Variants in NPHP4 observed in about 807,000 individuals in gnomAD.
The protein encoded by NPHP4 is nephrocystin 4.
NPHP4 carries 151 observed loss-of-function variants against 155.8 expected under a neutral mutation model. The ratio of observed to expected loss-of-function variants is 0.97; its 90% CI spans 0.85 to 1.11. The LOEUF (loss-of-function observed/expected upper bound fraction) is 1.11. Among genes scored for constraint, NPHP4 ranks in the 50% least tolerant of loss-of-function variants. The probability of loss-of-function intolerance (pLI) is 0.00; values close to 1 mark genes in which losing one functional copy is unlikely to be tolerated. For missense variants in NPHP4, 1,956 were observed against 1,925.7 expected (o/e 1.02, Z -0.29); for synonymous variants, 845 against 816.8 (o/e 1.03, Z -0.59).
chr1:5,905,741 C>T lies in NPHP4; in HGVS notation c.1654G>A (p.Asp552Asn), dbSNP rs764175045. The stretch of plus-strand genomic sequence containing the variant: ...AGGACCAGGGAGGTCTGGCTCAGGT[C>T]GGCTTCCAGGTGGGAGATACCGGCC... The part of the protein sequence containing the change: ...LEAGISHLEA[D>N]LSQTSLVLET... The change falls in exon 14 of 30, where the codon GAC becomes AAC. Residue 552 changes from aspartate (D) to asparagine (N), a missense_variant. Physicochemically the swap from Asp to Asn is conservative, Grantham distance 23 (BLOSUM62 1). Coordinates refer to ENST00000378156, the MANE Select transcript of NPHP4 (RefSeq NM_015102.5). This position sits in a 1 kb window ranked among gnomAD's most constrained non-coding sequence, Gnocchi z 4.0. 5.6e-6 allele frequency: 9 copies of T among 1,612,652 alleles called. No individual in the cohort carries two copies. The highest frequency in any genetic ancestry group is 5.5e-5 in the South Asian group (5 of 90,786).
At chr1:5,984,488 T>C (rs1211366573) in intron 2 of NPHP4, among the ~76,000 whole-genome samples, 2 of 151,760 alleles carry the variant, frequency 1.3e-5, no homozygotes, top group African/African-American at 4.8e-5. Context: ...TGAGCTGAGA[T>C]CACACCACTG....
intron 18 of NPHP4, among the ~76,000 whole-genome samples, chr1:5,885,694 C>T (rs1257253884): frequency 6.6e-6 from 1 of 152,210 alleles, no homozygotes; most frequent in Non-Finnish European, 1.5e-5. Context: ...AGGCCGAGGC[C>T]GAGGCTCAGG....
intron 2 of NPHP4, among the ~76,000 whole-genome samples, chr1:5,980,290 T>C (rs1654454199): frequency 6.6e-6 from 1 of 152,032 alleles, no homozygotes; most frequent in Non-Finnish European, 1.5e-5. Context: ...CTCAGCTGAG[T>C]TGTCTCCTGA....
intron 11 of NPHP4, among the ~76,000 whole-genome samples, chr1:5,921,882 C>T (rs886766524): frequency 3.9e-5 from 6 of 152,228 alleles, no homozygotes; most frequent in South Asian, 2.1e-4. Flanking sequence ...CACGCCACAC[C>T]ATTTACTGAC....
chr1:5,932,904 C>T (rs542310395), intron 10 of NPHP4, among the ~76,000 whole-genome samples: 1 of 152,326 alleles, frequency 6.6e-6, no homozygotes, highest in East Asian at 1.9e-4. Context: ...TACACATCAG[C>T]TGGAGGTTCA....
intron 11 of NPHP4, among the ~76,000 whole-genome samples, chr1:5,914,088 C>G (rs955742185): frequency 1.4e-4 from 22 of 151,990 alleles, no homozygotes; most frequent in African/African-American, 5.3e-4. Flanking sequence ...CAACAACCCT[C>G]TCTCACTTCC....
rs769488870 is a variant in NPHP4 at position 5,864,457 on chromosome 1, C to G, written c.3877G>C (p.Val1293Leu). Residue 1293 changes from valine (V) to leucine (L), a missense_variant, in exon 28 of 30, where the codon GTG becomes CTG. Coordinates refer to ENST00000378156, the MANE Select transcript of NPHP4 (RefSeq NM_015102.5). ...CGGCTGCCGGCCCTAAGGGGCCTCA[C>G]GCCAACATGCAGGTCCTGCACCCCA... ...PRGVQDLHVG[V>L]RPLRAGSRFV... 2 of 1,605,340 alleles carry G rather than the reference C, an allele frequency of 1.2e-6. No individual in the cohort carries two copies. Among genetic ancestry groups the G allele is most frequent in the African/African-American group, 1.3e-5 (1 of 74,900 alleles).
intron 9 of NPHP4, among the ~76,000 whole-genome samples, chr1:5,946,893 C>G (rs1227321931): frequency 6.6e-6 from 1 of 152,256 alleles, no homozygotes; most frequent in Non-Finnish European, 1.5e-5. Flanking sequence ...AGCTCCAAGT[C>G]CTTCCCACAT....
In NPHP4 at chr1:5,933,274, G is replaced by A. The variant is rs1453716312; in HGVS notation, c.1175C>T (p.Ala392Val). 1 of 1,613,752 alleles carries A rather than the reference G, an allele frequency of 6.2e-7. No homozygotes were observed. Among genetic ancestry groups the A allele is most frequent in the South Asian group, 1.1e-5 (1 of 91,076 alleles). Reference protein sequence around the residue: ...NLACMHMVRWAVWNPLLEADS... With the variant: ...NLACMHMVRWVVWNPLLEADS... ...AGCTTCCAGCAAGGGGTTCCAAACA[G>A]CCCAGCGGACCATGTGCATGCATGC... The change falls in exon 10 of 30, where the codon GCT (alanine) becomes GTT (valine). Residue 392 changes from alanine to valine, a missense_variant. Coordinates refer to ENST00000378156, the MANE Select transcript of NPHP4 (RefSeq NM_015102.5).
In NPHP4 at chr1:5,867,015, CACA is replaced by C. The variant is rs1641302424; in HGVS notation, c.3558+12_3558+14del. On this transcript the variant is annotated intron_variant, in intron 25 of 29. Coordinates refer to ENST00000378156, the MANE Select transcript of NPHP4 (RefSeq NM_015102.5). This position sits in a 1 kb window ranked among gnomAD's most constrained non-coding sequence, Gnocchi z 4.1. ...GGGAAGGATCTGCCTGAGCTGGGGC[CACA>C]ACACAACCTACCACATTCTGGGTCT... 1.2e-6 allele frequency: 2 copies of C among 1,608,326 alleles called. 1 individual carries two copies. The highest frequency in any genetic ancestry group is 2.2e-5 in the South Asian group (2 of 90,354).
rs768496736 is a variant in NPHP4 at position 5,961,902 on chromosome 1, G to T, written c.565C>A (p.Leu189Met). 3 of 1,613,404 alleles carry T rather than the reference G, an allele frequency of 1.9e-6. No individual in the cohort carries two copies. Among genetic ancestry groups the T allele is most frequent in the Non-Finnish European group, 2.5e-6 (3 of 1,179,468 alleles). ...GGCTCCAGGGCCGGGTGTGGCTTCA[G>T]CGTGTACTGCAGGCTGCAGTTCTCA... ...LIENCSLQYT[L>M]KPHPALEPAF... The change falls in exon 6 of 30, where the codon CTG becomes ATG. Residue 189 changes from leucine to methionine, a missense_variant. Leu to Met is a conservative substitution (Grantham distance 15, BLOSUM62 2). Transcript: ENST00000378156.
chr1:5,956,350 T>C (rs1649236471), intron 6 of NPHP4, among the ~76,000 whole-genome samples: 1 of 152,236 alleles, frequency 6.6e-6, no homozygotes, highest in South Asian at 2.1e-4. Context: ...GTTGTGACCC[T>C]GGTCTGCACA....
In NPHP4 at chr1:5,867,838, AG is replaced by A; in HGVS notation, c.3373del (p.Leu1125CysfsTer20). 6.2e-7 allele frequency: 1 copy of A among 1,613,884 alleles called. No individual in the cohort carries two copies. Among genetic ancestry groups the A allele is most frequent in the Non-Finnish European group, 8.5e-7 (1 of 1,179,880 alleles). Reference protein sequence around the residue: ...PIAVLCLTVELQPHVVDQVFR... With the variant: ...PIAVLCLTVEXQPHVVDQVFR... ...GACCTGGTCCACCACGTGGGGCTGC[AG>A]CTCCACAGTCAGGCAGAGCACGGCG... On this transcript the variant is annotated frameshift_variant, in exon 24 of 30. Coordinates refer to ENST00000378156, the MANE Select transcript of NPHP4 (RefSeq NM_015102.5). LOFTEE classifies it high-confidence loss of function. This position sits in a 1 kb window ranked among gnomAD's most constrained non-coding sequence, Gnocchi z 4.1.
In NPHP4 at chr1:5,937,858, A is replaced by C. The variant is rs559685453; in HGVS notation, c.1120-4529T>G. Among the ~76,000 whole-genome samples the C allele has an allele frequency of 2.0e-5, 3 of 152,278 alleles. No individual in the cohort carries two copies. The South Asian group carries it at 6.2e-4, about 32-fold the overall frequency. ...GAGAGAGAAATGTAGGTCTATAATT[A>C]TGCAGACGAAGGAGACAGGGAGGCC... On this transcript the variant is annotated intron_variant, in intron 9 of 29. Transcript: ENST00000378156.
chr1:5,908,711 C>A (rs1322248006), intron 12 of NPHP4, among the ~76,000 whole-genome samples: 16 of 152,262 alleles, frequency 1.1e-4, no homozygotes, highest in Admixed American at 1.0e-3. Flanking sequence ...AGCAGTGCCA[C>A]TGTCTCCACC....
chr1:5,865,023 T>A, intron 27 of NPHP4, 79 bp downstream of exon 27: 1 of 1,443,176 alleles, frequency 6.9e-7, no homozygotes, highest in South Asian at 1.2e-5. Flanking sequence ...CCACCCACTG[T>A]GCTCCAGCTG....
chr1:5,927,813 T>C (rs369117451), intron 10 of NPHP4, 26 bp from the exon 11 acceptor site: 36 of 1,588,736 alleles, frequency 2.3e-5, no homozygotes, highest in African/African-American at 6.7e-5. Flanking sequence ...AGAGCAGTGA[T>C]GGCCACTCCC....
At chr1:5,987,600 C>T (rs1321500278) in intron 1 of NPHP4, among the ~76,000 whole-genome samples, 1 of 151,982 alleles carries the variant, frequency 6.6e-6, no homozygotes, top group Non-Finnish European at 1.5e-5. Context: ...TTGGTGAAGC[C>T]GGAAAAACTA....
rs746129070 is a variant in NPHP4 at position 5,863,979 on chromosome 1, T to G, written c.4051A>C (p.Thr1351Pro). Residue 1351 changes from threonine to proline, a missense_variant, in exon 29 of 30, where the codon ACC (threonine) becomes CCC (proline). Coordinates refer to ENST00000378156, the MANE Select transcript of NPHP4 (RefSeq NM_015102.5). ...CGGGAGGGGTAGGGGTTGGTGTAGG[T>G]GATCCTCTTGTTGACACCCTTCCCT... The part of the protein sequence containing the change: ...GEGKGVNKRI[T>P]YTNPYPSRRT... 1 of 1,613,746 alleles carries G rather than the reference T, an allele frequency of 6.2e-7. No individual in the cohort carries two copies. Among genetic ancestry groups the G allele is most frequent in the Non-Finnish European group, 8.5e-7 (1 of 1,179,776 alleles).
Sources: gnomAD v4.1 joint callset for allele counts (sites outside exome capture counted in the v4.1 genomes callset) on GRCh38, gnomAD v4.1.1 for gene constraint, Gnocchi (gnomAD v3.1) non-coding constraint, MANE v1.5 for transcripts, NCBI Gene and HGNC (gene_info 2026-07-23, HGNC 2026-07-21) for gene names.